Variants in KSR2 observed in about 807,000 individuals in gnomAD.
KSR2 encodes the protein kinase suppressor of ras 2.
Under a neutral mutation model 107.8 loss-of-function variants are expected in KSR2, and 25 were observed. The observed-to-expected ratio is 0.23, with a 90% confidence interval of 0.17 to 0.32. The LOEUF (loss-of-function observed/expected upper bound fraction) is 0.32. Among genes scored for constraint, KSR2 ranks in the 10% least tolerant of loss-of-function variants. KSR2 has a pLI of 1.00. For missense variants in KSR2, 887 were observed against 1,268.9 expected, an observed-to-expected ratio of 0.70 and a Z score of 4.57; for synonymous variants, 480 against 507.0, an observed-to-expected ratio of 0.95 and a Z score of 0.71.
chr12:117,637,686 T>TTTTTTTTG (rs1262050962), intron 5 of KSR2, among the ~76,000 whole-genome samples: 3 of 135,100 alleles, frequency 2.2e-5, no homozygotes, highest in African/African-American at 8.4e-5. Context: ...TTTTTTTTTT[T>TTTTTTTTG]TTTTTTTTTT....
chr12:117,848,068 T>C (rs887118759), intron 3 of KSR2, among the ~76,000 whole-genome samples: 3 of 152,138 alleles, frequency 2.0e-5, no homozygotes, highest in Non-Finnish European at 2.9e-5. Flanking sequence ...AGGAAAACAA[T>C]ATCCACAACA....
intron 14 of KSR2, among the ~76,000 whole-genome samples, chr12:117,501,249 T>A (rs1017016094): frequency 6.6e-6 from 1 of 152,362 alleles, no homozygotes; most frequent in African/African-American, 2.4e-5. Flanking sequence ...GCTGTTTTCA[T>A]GTTAAAATAG....
intron 1 of KSR2, among the ~76,000 whole-genome samples, chr12:117,902,833 T>A (rs1593355387): frequency 2.0e-5 from 3 of 152,204 alleles, no homozygotes; most frequent in Admixed American, 1.3e-4. Flanking sequence ...CGGAAACATA[T>A]ACTGAACAAT....
Position 117,457,744 on chromosome 12 carries a change from G to A in KSR2, c.*9455C>T, listed in dbSNP as rs889142780. Reference sequence around the variant, plus strand: ...GTATCTTGTGGGGAGAGTTGAGGAAGCTGCTTAACATCCTCCAATGCCCAG... The same window carrying A: ...GTATCTTGTGGGGAGAGTTGAGGAAACTGCTTAACATCCTCCAATGCCCAG... On this transcript the variant is annotated 3_prime_UTR_variant, in exon 20 of 20. Transcript: ENST00000339824. 4 of 152,260 alleles carry A rather than the reference G, an allele frequency of 2.6e-5. No individual in the cohort carries two copies. The highest frequency in any genetic ancestry group is 5.9e-5 in the Non-Finnish European group (4 of 68,068). 9.4% of individuals were successfully genotyped at this position (152,260 alleles called of 1,614,324 possible). A position where few individuals can be genotyped will look rare whatever the true frequency, so the allele number is the denominator to read the frequency against.
chr12:117,583,203 G>A (rs950524865), intron 5 of KSR2, among the ~76,000 whole-genome samples: 1 of 151,870 alleles, frequency 6.6e-6, no homozygotes, highest in African/African-American at 2.4e-5. Flanking sequence ...GTAAGTGGAT[G>A]GATGCATGGA....
In KSR2 at chr12:117,658,910, C is replaced by G. The variant is rs1884302386; in HGVS notation, c.1171+8564G>C. ...TTTTTAGTCTTGCCTCTGATGCACTCTGTAACTGCCAGCCAGGAATTTTCC... is the reference window on the plus strand; with the variant it reads ...TTTTTAGTCTTGCCTCTGATGCACTGTGTAACTGCCAGCCAGGAATTTTCC... On this transcript the variant is annotated intron_variant, in intron 5 of 19. Coordinates refer to ENST00000339824, the MANE Select transcript of KSR2 (RefSeq NM_173598.6). 1.3e-5 allele frequency among the ~76,000 whole-genome samples: 2 copies of G among 152,186 alleles called. 1 individual carries two copies. Among genetic ancestry groups the G allele is most frequent in the Admixed American group, 1.3e-4 (2 of 15,276 alleles).
At chr12:117,659,215 T>C (rs947897302) in intron 5 of KSR2, among the ~76,000 whole-genome samples, 3 of 152,176 alleles carry the variant, frequency 2.0e-5, no homozygotes, top group African/African-American at 7.2e-5. Context: ...CCTTGCTTTC[T>C]AACGCCAACC....
intron 3 of KSR2, among the ~76,000 whole-genome samples, chr12:117,841,397 G>A (rs1892470473): frequency 6.6e-6 from 1 of 152,136 alleles, no homozygotes; most frequent in South Asian, 2.1e-4. Flanking sequence ...AGTCAAATCT[G>A]CTGGGAATGT....
intron 7 of KSR2, among the ~76,000 whole-genome samples, chr12:117,567,573 C>T (rs758751086): frequency 6.0e-5 from 9 of 151,096 alleles, no homozygotes; most frequent in Middle Eastern, 6.9e-3. Context: ...TAAAGGGCAG[C>T]AAAGTTCCCC....
At chr12:117,548,218 T>C (rs868360335) in intron 9 of KSR2, among the ~76,000 whole-genome samples, 12 of 152,142 alleles carry the variant, frequency 7.9e-5, no homozygotes, top group African/African-American at 2.2e-4. Context: ...GTCCATTGTT[T>C]TTAGCTGTAC....
intron 1 of KSR2, among the ~76,000 whole-genome samples, chr12:117,900,119 C>T (rs935620163): frequency 6.6e-6 from 1 of 152,186 alleles, no homozygotes; most frequent in Non-Finnish European, 1.5e-5. Context: ...TCCACAGAAA[C>T]TGTGAGATAA....
At chr12:117,792,350 T>TA (rs34784722) in intron 3 of KSR2, among the ~76,000 whole-genome samples, 12,216 of 145,904 alleles carry the variant, frequency 0.084, 471 homozygotes, top group East Asian at 0.12. Context: ...ACACTGTCTT[T>TA]AAAAAAAAAA....
intron 10 of KSR2, chr12:117,539,475 C>T (rs1876305451): frequency 2.2e-6 from 1 of 454,186 alleles, no homozygotes; most frequent in Non-Finnish European, 3.8e-6. Context: ...GTTTCTTCAT[C>T]TGTAAAATGA....
chr12:117,670,554 G>A (rs1884864264), intron 4 of KSR2, among the ~76,000 whole-genome samples: 1 of 152,130 alleles, frequency 6.6e-6, no homozygotes, highest in Non-Finnish European at 1.5e-5. Flanking sequence ...ATCCTGAGAA[G>A]TTCGATTTGG....
At chr12:117,584,362 C>G (rs1879866838) in intron 5 of KSR2, among the ~76,000 whole-genome samples, 1 of 151,916 alleles carries the variant, frequency 6.6e-6, no homozygotes, top group Non-Finnish European at 1.5e-5. Flanking sequence ...CACCCATTAA[C>G]TCCTTAAGGT....
At chr12:117,831,201 AG>A (rs1456604270) in intron 3 of KSR2, among the ~76,000 whole-genome samples, 2 of 152,200 alleles carry the variant, frequency 1.3e-5, no homozygotes, top group Non-Finnish European at 2.9e-5. Context: ...CCACTTGGAA[AG>A]GAAGTTTGGA....
intron 1 of KSR2, among the ~76,000 whole-genome samples, chr12:117,885,261 G>T (rs546883828): frequency 1.3e-5 from 2 of 152,294 alleles, no homozygotes; most frequent in East Asian, 3.9e-4. Context: ...CCTATTTATT[G>T]AGTGCTTTCT....
intron 3 of KSR2, among the ~76,000 whole-genome samples, chr12:117,801,648 G>A (rs892332991): frequency 6.6e-6 from 1 of 152,056 alleles, no homozygotes; most frequent in Non-Finnish European, 1.5e-5. Flanking sequence ...CAGATCTCAA[G>A]AGAACTCACT....
intron 1 of KSR2, among the ~76,000 whole-genome samples, chr12:117,876,876 G>C (rs1337515849): frequency 3.3e-5 from 5 of 151,766 alleles, no homozygotes; most frequent in Non-Finnish European, 7.4e-5. Flanking sequence ...TTCAGGTCTT[G>C]AAATCTTTGC....
Sources: allele counts gnomAD v4.1 joint callset (sites outside exome capture counted in the v4.1 genomes callset), GRCh38; gene constraint gnomAD v4.1.1; transcripts MANE v1.5; gene names NCBI Gene and HGNC (gene_info 2026-07-23, HGNC 2026-07-21).